ZNF775: variants seen among roughly 807,000 people sequenced by gnomAD.
ZNF775 encodes the protein zinc finger protein 775.
In ZNF775, 1 loss-of-function variant was observed where a neutral mutation model predicts 2.4. The ratio of observed to expected loss-of-function variants is 0.41; its 90% confidence interval spans 0.15 to 1.94. ZNF775 has a LOEUF of 1.94. ZNF775 is among the 30% of genes most tolerant of loss of function. The probability of loss-of-function intolerance (pLI) is 0.30; values close to 1 mark genes in which losing one functional copy is unlikely to be tolerated. For missense variants in ZNF775, 823 were observed against 826.6 expected (o/e 1.00, Z 0.05); for synonymous variants, 381 against 373.3 (o/e 1.02, Z -0.24).
At position 150,398,406 on chromosome 7, in the gene ZNF775, GTC is replaced by G. The variant is rs1800724516; in HGVS notation, c.*315_*316del. 4.5e-6 allele frequency: 2 copies of G among 443,320 alleles called. No individual in the cohort carries two copies. Among genetic ancestry groups the G allele is most frequent in the Admixed American group, 8.2e-5 (2 of 24,522 alleles). The allele number at this position is 443,320 out of a possible 1,614,324, so 27.5% of individuals were successfully genotyped here. A position where few individuals can be genotyped will look rare whatever the true frequency, so the allele number is the denominator to read the frequency against. On this transcript the variant is annotated 3_prime_UTR_variant, in exon 3 of 3. Transcript: ENST00000329630. ...GGGGTCTGTTGGGGACGCTGGGAGA[GTC>G]TCTGGTGTGAAGTGGCTTAGGTCTG...
chr7:150,380,768 T>C (rs953004784), intron 1 of ZNF775, among the ~76,000 whole-genome samples: 4 of 152,246 alleles, frequency 2.6e-5, no homozygotes, highest in Admixed American at 2.0e-4. Context: ...CTTTAGTTTC[T>C]TTAGGCAACC....
At position 150,382,804 on chromosome 7, in the gene ZNF775, G is replaced by A. The variant is rs61043001; in HGVS notation, c.-50+3412G>A. On this transcript the variant is annotated intron_variant, in intron 1 of 2. Transcript: ENST00000329630. This position sits in a 1 kb window ranked among gnomAD's most constrained non-coding sequence, Gnocchi z 4.6. ...TCATCCAACGGTGACTTATGGCCCC[G>A]GCCTCCTGGCTCGATGAGGGTATGT... 17,241 of 152,382 alleles carry A rather than the reference G, an allele frequency of 0.11. 1,408 individuals carry two copies. Among genetic ancestry groups the A allele is most frequent in the African/African-American group, 0.23 (9,698 of 41,504 alleles). The allele number at this position is 152,382 out of a possible 1,614,324, so 9.4% of individuals were successfully genotyped here. A position where few individuals can be genotyped will look rare whatever the true frequency, so the allele number is the denominator to read the frequency against.
chr7:150,384,520 T>C lies in ZNF775; in HGVS notation c.-49-3902T>C, dbSNP rs1585083898. 6.6e-6 allele frequency among the ~76,000 whole-genome samples: 1 copy of C among 152,146 alleles called. No individual in the cohort carries two copies. Among genetic ancestry groups the C allele is most frequent in the Admixed American group, 6.5e-5 (1 of 15,286 alleles). ...TCTGGCCAGCCTGGAACATGACACATGGAGGGCTTTCCTGGATTTTGTCTG... is the reference window on the plus strand; with the variant it reads ...TCTGGCCAGCCTGGAACATGACACACGGAGGGCTTTCCTGGATTTTGTCTG... On this transcript the variant is annotated intron_variant, in intron 1 of 2. Transcript: ENST00000329630. The surrounding 1 kb of genome is among the most constrained non-coding windows in gnomAD (Gnocchi z 4.1).
At chr7:150,394,430 T>C (rs1218553705) in intron 2 of ZNF775, among the ~76,000 whole-genome samples, 1 of 152,250 alleles carries the variant, frequency 6.6e-6, no homozygotes, top group Non-Finnish European at 1.5e-5. Flanking sequence ...CCAATGTTGA[T>C]GCGTTTCTCT....
rs759823235 is a variant in ZNF775 at position 150,396,627 on chromosome 7, G to A, written c.146G>A (p.Arg49Gln). 4 of 1,610,622 alleles carry A rather than the reference G, an allele frequency of 2.5e-6. No individual in the cohort carries two copies. Among genetic ancestry groups the A allele is most frequent in the East Asian group, 2.2e-5 (1 of 44,820 alleles). The change falls in exon 3 of 3, where the codon CGG becomes CAG. Residue 49 changes from arginine (R) to glutamine (Q), a missense_variant. Coordinates refer to ENST00000329630, the MANE Select transcript of ZNF775 (RefSeq NM_173680.4). Reference sequence around the variant, plus strand: ...AAGGAGAACATATTTCAGCAGCACCGGGGCCTCCCGCCACGCCAGACCATG... The same window carrying A: ...AAGGAGAACATATTTCAGCAGCACCAGGGCCTCCCGCCACGCCAGACCATG... ...KDKENIFQQH[R>Q]GLPPRQTMGR...
chr7:150,387,381 C>A (rs566983170), intron 1 of ZNF775, among the ~76,000 whole-genome samples: 1 of 151,108 alleles, frequency 6.6e-6, no homozygotes, highest in East Asian at 1.9e-4. Flanking sequence ...GTGTGGGGGG[C>A]AAGCCAGGCG....
In ZNF775 at chr7:150,384,488, G is replaced by A. The variant is rs1382526974; in HGVS notation, c.-49-3934G>A. On this transcript the variant is annotated intron_variant, in intron 1 of 2. Transcript: ENST00000329630. This position sits in a 1 kb window ranked among gnomAD's most constrained non-coding sequence, Gnocchi z 4.1. Reference sequence around the variant, plus strand: ...TAGGAGAGAAGCTTAGGGTGGGGACGTGTGTGTCTGGCCAGCCTGGAACAT... The same window carrying A: ...TAGGAGAGAAGCTTAGGGTGGGGACATGTGTGTCTGGCCAGCCTGGAACAT... Among the ~76,000 whole-genome samples, 1 of 152,218 alleles carries A rather than the reference G, an allele frequency of 6.6e-6. No individual in the cohort carries two copies. Among genetic ancestry groups the A allele is most frequent in the Non-Finnish European group, 1.5e-5 (1 of 68,042 alleles).
intron 1 of ZNF775, among the ~76,000 whole-genome samples, chr7:150,381,609 G>A (rs1039615012): frequency 2.4e-4 from 33 of 139,390 alleles, no homozygotes; most frequent in African/African-American, 8.4e-4. Context: ...ACGAGCAAGC[G>A]TTATTTCCAT....
intron 2 of ZNF775, among the ~76,000 whole-genome samples, chr7:150,391,706 C>CTTTTTTTTTTTTTTTTTTTTT (rs535705895): frequency 1.4e-5 from 1 of 73,576 alleles, no homozygotes; most frequent in East Asian, 3.7e-4. Flanking sequence ...TCCTTTCTTT[C>CTTTTTTTTTTTTTTTTTTTTT]TTTTTTTTTT....
At position 150,382,045 on chromosome 7, in the gene ZNF775, C is replaced by T. The variant is rs527820961; in HGVS notation, c.-50+2653C>T. Among the ~76,000 whole-genome samples, 1 of 151,896 alleles carries T rather than the reference C, an allele frequency of 6.6e-6. No homozygotes were observed. Among genetic ancestry groups the T allele is most frequent in the Non-Finnish European group, 1.5e-5 (1 of 67,954 alleles). Reference sequence around the variant, plus strand: ...GCCTCCAGGTGGGGGAGGGGATGCCCACCTGGTTTGGGCTGGGACCTCTGG... The same window carrying T: ...GCCTCCAGGTGGGGGAGGGGATGCCTACCTGGTTTGGGCTGGGACCTCTGG... On this transcript the variant is annotated intron_variant, in intron 1 of 2. Coordinates refer to ENST00000329630, the MANE Select transcript of ZNF775 (RefSeq NM_173680.4). This position sits in a 1 kb window ranked among gnomAD's most constrained non-coding sequence, Gnocchi z 4.6.
At chr7:150,393,289 T>G (rs1287003497) in intron 2 of ZNF775, among the ~76,000 whole-genome samples, 3 of 152,204 alleles carry the variant, frequency 2.0e-5, no homozygotes, top group Non-Finnish European at 4.4e-5. Context: ...GTAGGGTACC[T>G]CCATGGCTTT....
chr7:150,380,249 G>A (rs1000930555), intron 1 of ZNF775: 2 of 152,298 alleles, frequency 1.3e-5, no homozygotes, highest in Admixed American at 6.5e-5. Flanking sequence ...TCATGCTTCC[G>A]TGCTTCAAAT....
chr7:150,397,222 C>T lies in ZNF775; in HGVS notation c.741C>T (p.Arg247=). The T allele has an allele frequency of 8.9e-7, 1 of 1,122,118 alleles. No individual in the cohort carries two copies. Among genetic ancestry groups the T allele is most frequent in the Non-Finnish European group, 1.1e-6 (1 of 918,602 alleles). The allele number at this position is 1,122,118 out of a possible 1,614,324, so 69.5% of individuals were successfully genotyped here. The part of the protein sequence containing the change: ...CRLQPGPPRG[R]PEWAWLGLCQ... ...TGCAGCCGGGGCCGCCGCGGGGGCG[C>T]CCCGAGTGGGCCTGGCTGGGGCTCT... Residue 247 remains arginine (R), a synonymous_variant, in exon 3 of 3, where the codon CGC becomes CGT. Transcript: ENST00000329630.
Position 150,397,182 on chromosome 7 carries a change from G to A in ZNF775, c.701G>A (p.Arg234His), listed in dbSNP as rs1308018260. 8.0e-7 allele frequency: 1 copy of A among 1,256,908 alleles called. No individual in the cohort carries two copies. The highest frequency in any genetic ancestry group is 1.0e-6 in the Non-Finnish European group (1 of 1,001,986). The allele number at this position is 1,256,908 out of a possible 1,614,324, so 77.9% of individuals were successfully genotyped here. The part of the protein sequence containing the change: ...LHELIQDAAA[R>H]RACRLQPGPP... ...GAGCTGATTCAGGACGCGGCGGCGC[G>A]CCGGGCCTGTCGCCTGCAGCCGGGG... The change falls in exon 3 of 3, where the codon CGC becomes CAC. Residue 234 changes from arginine (R) to histidine (H), a missense_variant. Arg to His is a conservative substitution (Grantham distance 29). Transcript: ENST00000329630.
At position 150,388,496 on chromosome 7, in the gene ZNF775, G is replaced by A; in HGVS notation, c.26G>A (p.Gly9Asp). The change falls in exon 2 of 3, where the codon GGC becomes GAC. Residue 9 changes from glycine to aspartate, a missense_variant. By Grantham distance (94) the Gly-to-Asp change is moderately conservative. Coordinates refer to ENST00000329630, the MANE Select transcript of ZNF775 (RefSeq NM_173680.4). MESGLAGN[G>D]TGAGLVMKVK... ...ATGGAGAGTGGCCTGGCTGGCAACG[G>A]CACAGGTAAGAGAGAAGAAAGAGGA... is the stretch of plus-strand genomic sequence containing the variant. The A allele has an allele frequency of 3.2e-6, 5 of 1,551,840 alleles. No homozygotes were observed. Among genetic ancestry groups the A allele is most frequent in the Non-Finnish European group, 4.4e-6 (5 of 1,147,078 alleles).
intron 1 of ZNF775, among the ~76,000 whole-genome samples, chr7:150,385,436 C>T (rs567342758): frequency 3.9e-4 from 59 of 151,618 alleles, no homozygotes; most frequent in Non-Finnish European, 5.6e-4. Context: ...CTGCAATACC[C>T]CAAGCGACTG....
intron 2 of ZNF775, among the ~76,000 whole-genome samples, chr7:150,394,167 A>C (rs1268742482): frequency 6.6e-6 from 1 of 152,274 alleles, no homozygotes; most frequent in Non-Finnish European, 1.5e-5. Flanking sequence ...TCATCTAAGA[A>C]TATGATATAC....
At chr7:150,391,462 C>T (rs188441412) in intron 2 of ZNF775, among the ~76,000 whole-genome samples, 226 of 152,156 alleles carry the variant, frequency 1.5e-3, no homozygotes, top group South Asian at 0.011. Flanking sequence ...AAGCCAAGAT[C>T]GCGCCATTGC....
intron 1 of ZNF775, among the ~76,000 whole-genome samples, chr7:150,383,439 T>C (rs1237614688): frequency 6.6e-6 from 1 of 151,780 alleles, no homozygotes; most frequent in Admixed American, 6.6e-5. Flanking sequence ...CTAACCTGAG[T>C]GAGGGGTCTC....
Sources: allele counts gnomAD v4.1 joint callset (sites outside exome capture counted in the v4.1 genomes callset), GRCh38; gene constraint gnomAD v4.1.1; non-coding constraint Gnocchi (gnomAD v3.1); transcripts MANE v1.5; gene names NCBI Gene and HGNC (gene_info 2026-07-23, HGNC 2026-07-21).